The following WDR7 variants were observed in gnomAD, a reference collection of about 807,000 sequenced individuals.
The protein encoded by WDR7 is WD repeat domain 7.
In WDR7, 46 loss-of-function variants were observed where a neutral mutation model predicts 169.4. The observed-to-expected ratio is 0.27, with a 90% confidence interval of 0.21 to 0.35. WDR7 has a LOEUF of 0.35. Ranked by LOEUF, WDR7 falls within the 10% of genes least tolerant of loss-of-function variation. The pLI, the probability that WDR7 is intolerant of heterozygous loss-of-function variation, is 1.00. For missense variants in WDR7, 1,534 were observed against 1,859.3 expected (o/e 0.83, Z 3.22); for synonymous variants, 612 against 666.8 (o/e 0.92, Z 1.27).
intron 27 of WDR7, among the ~76,000 whole-genome samples, chr18:57,023,428 T>C (rs990973580): frequency 7.2e-5 from 11 of 152,216 alleles, no homozygotes; most frequent in African/African-American, 1.9e-4. Context: ...GAAATATTGG[T>C]TGGATAATTA....
chr18:56,771,482 G>C (rs2044155854), intron 16 of WDR7, among the ~76,000 whole-genome samples: 1 of 151,934 alleles, frequency 6.6e-6, no homozygotes. Flanking sequence ...AGGAATTTGG[G>C]AGGCTGAGGT....
intron 19 of WDR7, among the ~76,000 whole-genome samples, chr18:56,807,001 C>G (rs1476360541): frequency 6.6e-6 from 1 of 152,092 alleles, no homozygotes; most frequent in Non-Finnish European, 1.5e-5. Flanking sequence ...TTAAAGCCAT[C>G]AACTTCAGCA....
chr18:56,942,748 G>A lies in WDR7; in HGVS notation c.4064+3355G>A, dbSNP rs59299361. The stretch of plus-strand genomic sequence containing the variant: ...AGAACATATTAAATCCTCACGTTAA[G>A]TAAGGACTTACTGTATTTGATAGGC... On this transcript the variant is annotated intron_variant, in intron 25 of 27. Transcript: ENST00000254442. 0.041 allele frequency among the ~76,000 whole-genome samples: 6,233 copies of A among 152,184 alleles called. 651 individuals are homozygous for A. In the East Asian group the frequency reaches 0.42, roughly 10 times the overall value.
intron 1 of WDR7, among the ~76,000 whole-genome samples, chr18:56,659,458 A>G (rs2024857734): frequency 6.6e-6 from 1 of 152,236 alleles, no homozygotes; most frequent in African/African-American, 2.4e-5. Flanking sequence ...AACCAAACAC[A>G]GATCTTTACC....
chr18:56,703,522 CATT>C (rs1235188072), intron 12 of WDR7, among the ~76,000 whole-genome samples: 2 of 152,104 alleles, frequency 1.3e-5, no homozygotes, highest in Non-Finnish European at 1.5e-5. Context: ...GCAGAACTAA[CATT>C]ATTTTCTTAA....
At position 56,665,909 on chromosome 18, in the gene WDR7, TG is replaced by T. The variant is rs561714261; in HGVS notation, c.-19-6583del. Among the ~76,000 whole-genome samples, 1,048 of 152,184 alleles carry T rather than the reference TG, an allele frequency of 6.9e-3. 5 individuals are homozygous for T. Among genetic ancestry groups the T allele is most frequent in the Middle Eastern group, 0.048 (14 of 294 alleles). ...GTCTCAGAGGAGTCTCAGTTGACCC[TG>T]GGGGAAGTTCTGAAGATGGGATGAC... On this transcript the variant is annotated intron_variant, in intron 1 of 27. Transcript: ENST00000254442.
At chr18:56,930,078 G>T (rs1361559469) in intron 22 of WDR7, among the ~76,000 whole-genome samples, 1 of 152,130 alleles carries the variant, frequency 6.6e-6, no homozygotes, top group East Asian at 1.9e-4. Flanking sequence ...GGGGCCGGGC[G>T]AGCATCACAT....
intron 14 of WDR7, among the ~76,000 whole-genome samples, chr18:56,746,358 C>T (rs949627008): frequency 6.6e-6 from 1 of 152,006 alleles, no homozygotes; most frequent in Admixed American, 6.6e-5. Flanking sequence ...TTTTCTCAGG[C>T]AAATAGATGG....
At position 56,816,107 on chromosome 18, in the gene WDR7, G is replaced by A. The variant is rs1445184402; in HGVS notation, c.3267G>A (p.Glu1089=). The A allele has an allele frequency of 1.2e-6, 2 of 1,613,878 alleles. No individual in the cohort carries two copies. The highest frequency in any genetic ancestry group is 2.2e-5 in the East Asian group (1 of 44,838). The part of the protein sequence containing the change: ...DASGPEAKVQ[E]EEHDLVDDDI... ...CAGGGCCTGAAGCAAAAGTCCAGGA[G>A]GAAGAGCATGACCTTGTTGACGATG... The change falls in exon 20 of 28, where the codon GAG becomes GAA. Residue 1089 remains glutamate, a synonymous_variant. Transcript: ENST00000254442.
intron 20 of WDR7, among the ~76,000 whole-genome samples, chr18:56,854,564 A>G (rs1375781849): frequency 6.6e-6 from 1 of 152,202 alleles, no homozygotes; most frequent in Non-Finnish European, 1.5e-5. Flanking sequence ...ACATCCATGT[A>G]TTAATGTGAT....
Position 56,779,263 on chromosome 18 carries a change from G to A in WDR7, c.2948-168G>A, listed in dbSNP as rs764231996. ...ATTACATGATTTAGGGATGAAATAC[G>A]TTTAGTATAATTCTTTGCACAAAGT... On this transcript the variant is annotated intron_variant, in intron 17 of 27. Coordinates refer to ENST00000254442, the MANE Select transcript of WDR7 (RefSeq NM_015285.3). 1.4e-4 allele frequency among the ~76,000 whole-genome samples: 22 copies of A among 152,124 alleles called. 1 individual carries two copies. Among genetic ancestry groups the A allele is most frequent in the Non-Finnish European group, 2.6e-4 (18 of 68,008 alleles).
chr18:56,777,323 C>T (rs1269713406), intron 17 of WDR7, among the ~76,000 whole-genome samples: 1 of 152,154 alleles, frequency 6.6e-6, no homozygotes, highest in Non-Finnish European at 1.5e-5. Context: ...TTGGAAAAGT[C>T]TTCAGATTGA....
At chr18:56,864,330 C>G (rs1319839706) in intron 20 of WDR7, among the ~76,000 whole-genome samples, 3 of 151,526 alleles carry the variant, frequency 2.0e-5, no homozygotes, top group Admixed American at 2.0e-4. Flanking sequence ...AATGTCATGA[C>G]TCTCACTTAG....
rs776389958 is a variant in WDR7 at position 56,781,638 on chromosome 18, A to G, written c.3172A>G (p.Ile1058Val). Residue 1058 changes from isoleucine to valine, a missense_variant, in exon 19 of 28, where the codon ATA becomes GTA. Coordinates refer to ENST00000254442, the MANE Select transcript of WDR7 (RefSeq NM_015285.3). ...CTGGGCTCCTTACTTACCTCAGTAC[A>G]TAGACCACGTCATATCACGTAAGAG... ...DAWAPYLPQY[I>V]DHVISPGVTS... 3.7e-6 allele frequency: 6 copies of G among 1,608,186 alleles called. No homozygotes were observed. In the South Asian group the frequency reaches 6.7e-5, roughly 18 times the overall value.
chr18:56,729,812 A>T (rs1320788636), intron 13 of WDR7, among the ~76,000 whole-genome samples: 1 of 152,212 alleles, frequency 6.6e-6, no homozygotes, highest in African/African-American at 2.4e-5. Context: ...TTGTTAAAAA[A>T]ATTACTAATT....
At chr18:57,007,042 C>A (rs1214507916) in intron 26 of WDR7, among the ~76,000 whole-genome samples, 1 of 151,228 alleles carries the variant, frequency 6.6e-6, no homozygotes, top group Admixed American at 6.6e-5. Context: ...TGCAGTGGCC[C>A]AATCTCAGCT....
chr18:56,905,389 T>C lies in WDR7; in HGVS notation c.3527-18533T>C, dbSNP rs531130799. Among the ~76,000 whole-genome samples, 3 of 152,234 alleles carry C rather than the reference T, an allele frequency of 2.0e-5. No homozygotes were observed. The South Asian group carries it at 6.2e-4, about 32-fold the overall frequency. On this transcript the variant is annotated intron_variant, in intron 21 of 27. Transcript: ENST00000254442. ...GTCTTGAGCTCCTGGCCTCAAGTGA[T>C]CTGCCCACCTCAGCCTCCCAAAGTG...
intron 26 of WDR7, among the ~76,000 whole-genome samples, chr18:56,987,052 G>A (rs752496105): frequency 1.1e-4 from 17 of 152,048 alleles, no homozygotes; most frequent in Non-Finnish European, 2.2e-4. Flanking sequence ...GTAAGTCAGG[G>A]TTTGAATTCC....
intron 21 of WDR7, among the ~76,000 whole-genome samples, chr18:56,922,734 A>G (rs906587420): frequency 2.6e-5 from 4 of 152,186 alleles, no homozygotes; most frequent in Admixed American, 6.5e-5. Flanking sequence ...CAGAATCACT[A>G]CTTTTCAGTG....
Sources: allele counts gnomAD v4.1 joint callset (sites outside exome capture counted in the v4.1 genomes callset), GRCh38; gene constraint gnomAD v4.1.1; transcripts MANE v1.5; gene names NCBI Gene and HGNC (gene_info 2026-07-23, HGNC 2026-07-21).